COPG2: variants seen among roughly 807,000 people sequenced by gnomAD.
COPG2 encodes coatomer subunit gamma-2.
A neutral mutation model predicts 46.3 loss-of-function variants in COPG2; 37 were observed. That is an observed-to-expected ratio of 0.80 (90% CI 0.61 to 1.05). COPG2 has a LOEUF of 1.05. Among genes scored for constraint, COPG2 ranks in the 50% least tolerant of loss-of-function variants. The probability of loss-of-function intolerance (pLI) is 0.00; values close to 1 mark genes in which losing one functional copy is unlikely to be tolerated. For missense variants in COPG2, 427 were observed against 387.8 expected (o/e 1.10, Z -0.85); for synonymous variants, 159 against 129.7 (o/e 1.23, Z -1.53).
chr7:130,511,678 C>A (rs1424092593), intron 20 of COPG2: 1 of 513,162 alleles, frequency 1.9e-6, no homozygotes, highest in Admixed American at 2.0e-5. Context: ...AGACTGGAAG[C>A]AAAGGAAAGA....
chr7:130,538,328 T>C (rs1799904246), intron 20 of COPG2, among the ~76,000 whole-genome samples: 2 of 151,790 alleles, frequency 1.3e-5, no homozygotes, highest in African/African-American at 4.8e-5. Flanking sequence ...GGGAAGTTGA[T>C]GGGAAAAGAA....
At chr7:130,625,686 C>G (rs782304122) in intron 5 of COPG2, among the ~76,000 whole-genome samples, 38 of 150,608 alleles carry the variant, frequency 2.5e-4, no homozygotes, top group Non-Finnish European at 4.1e-4. Context: ...TTTTTTTTAC[C>G]AACTTAGCTT....
At chr7:130,514,015 G>GGACA (rs1554441403) in intron 20 of COPG2, among the ~76,000 whole-genome samples, 1 of 152,202 alleles carries the variant, frequency 6.6e-6, no homozygotes. Context: ...GGAGTGGCAT[G>GGACA]GACAGGTAAA....
chr7:130,645,435 G>A (rs928197272), intron 5 of COPG2: 1 of 399,440 alleles, frequency 2.5e-6, no homozygotes, highest in African/African-American at 2.1e-5. Context: ...GAGCCCATGG[G>A]CGAAGATGAT....
chr7:130,551,773 G>A (rs1465043724), intron 15 of COPG2, among the ~76,000 whole-genome samples: 1 of 152,174 alleles, frequency 6.6e-6, no homozygotes, highest in Non-Finnish European at 1.5e-5. Context: ...ACGTAAACTA[G>A]CCAACCTTTG....
chr7:130,657,702 C>CT (rs1387393489), intron 4 of COPG2, among the ~76,000 whole-genome samples: 1 of 152,026 alleles, frequency 6.6e-6, no homozygotes, highest in Non-Finnish European at 1.5e-5. Context: ...AATAAACAAT[C>CT]CAATTTTTTT....
chr7:130,636,279 ATCTG>A (rs1456158074), intron 5 of COPG2, among the ~76,000 whole-genome samples: 5 of 152,218 alleles, frequency 3.3e-5, no homozygotes, highest in East Asian at 1.9e-4. Context: ...TGTTTCGTTG[ATCTG>A]TCTAATACTG....
intron 12 of COPG2, among the ~76,000 whole-genome samples, chr7:130,558,940 T>G: frequency 6.6e-6 from 1 of 152,270 alleles, no homozygotes; most frequent in East Asian, 1.9e-4. Context: ...ATGTAAAATA[T>G]GAAACTATAA....
intron 20 of COPG2, among the ~76,000 whole-genome samples, chr7:130,520,306 G>A (rs1414929824): frequency 6.6e-6 from 1 of 152,140 alleles, no homozygotes; most frequent in Non-Finnish European, 1.5e-5. Flanking sequence ...AAGCAACTGA[G>A]AAGACCTGTG....
chr7:130,527,034 T>C (rs938765782), intron 20 of COPG2, among the ~76,000 whole-genome samples: 2 of 151,706 alleles, frequency 1.3e-5, no homozygotes, highest in African/African-American at 4.8e-5. Flanking sequence ...TGTTGACTAC[T>C]GGGGGTGATG....
intron 20 of COPG2, among the ~76,000 whole-genome samples, chr7:130,510,401 G>T (rs1481563728): frequency 6.6e-6 from 1 of 152,212 alleles, no homozygotes; most frequent in Admixed American, 6.5e-5. Flanking sequence ...AACAGGTCAG[G>T]TGAGGCATTT....
intron 20 of COPG2, among the ~76,000 whole-genome samples, chr7:130,526,366 GGGT>G (rs1799774678): frequency 1.3e-5 from 2 of 152,134 alleles, no homozygotes; most frequent in Non-Finnish European, 2.9e-5. Context: ...AATAGGCCCT[GGGT>G]GGTTGAGAGA....
chr7:130,567,313 T>C (rs1753251485), intron 9 of COPG2, among the ~76,000 whole-genome samples: 1 of 152,148 alleles, frequency 6.6e-6, no homozygotes, highest in Non-Finnish European at 1.5e-5. Flanking sequence ...TTTGAGATTA[T>C]GCTAAATGAC....
chr7:130,541,150 C>T (rs991344856), intron 20 of COPG2, among the ~76,000 whole-genome samples: 3 of 152,222 alleles, frequency 2.0e-5, no homozygotes, highest in Non-Finnish European at 4.4e-5. Flanking sequence ...CCCGACAGAT[C>T]AGGACAAAGA....
chr7:130,566,212 G>T (rs1793800789), intron 9 of COPG2, among the ~76,000 whole-genome samples: 1 of 152,112 alleles, frequency 6.6e-6, no homozygotes, highest in South Asian at 2.1e-4. Context: ...ATCTCATTGT[G>T]GTTTCGATTT....
At chr7:130,507,422 A>C (rs782445488) in intron 22 of COPG2, 50 bp from the exon 23 acceptor site, 2 of 778,394 alleles carry the variant, frequency 2.6e-6, no homozygotes, top group South Asian at 2.7e-5. Flanking sequence ...AAGCACAGGG[A>C]TCTCCCTCTG....
intron 9 of COPG2, among the ~76,000 whole-genome samples, chr7:130,577,458 GA>G (rs1794022748): frequency 6.6e-6 from 1 of 152,124 alleles, no homozygotes; most frequent in Non-Finnish European, 1.5e-5. Flanking sequence ...GAGCTTTTCC[GA>G]CCGGCTTAAA....
chr7:130,652,389 T>C (rs1163384407), intron 5 of COPG2, among the ~76,000 whole-genome samples: 1 of 152,244 alleles, frequency 6.6e-6, no homozygotes, highest in African/African-American at 2.4e-5. Flanking sequence ...GTTTGCTTTT[T>C]TGCCATTTTG....
At chr7:130,560,555 C>T (rs1793702283) in intron 12 of COPG2, among the ~76,000 whole-genome samples, 2 of 152,168 alleles carry the variant, frequency 1.3e-5, no homozygotes, top group Admixed American at 6.5e-5. Context: ...GACCGCACTA[C>T]TTAAGAGGTA....
Sources: gnomAD v4.1 joint callset for allele counts (sites outside exome capture counted in the v4.1 genomes callset) on GRCh38, gnomAD v4.1.1 for gene constraint, MANE v1.5 for transcripts, NCBI Gene and HGNC (gene_info 2026-07-23, HGNC 2026-07-21) for gene names.